Variants in CEP135 observed in about 807,000 individuals in gnomAD.
The protein encoded by CEP135 is centrosomal protein of 135 kDa.
In CEP135, 142 loss-of-function variants were observed where a neutral mutation model predicts 157.3. That is an observed-to-expected ratio of 0.90 (90% CI 0.79 to 1.04). The LOEUF (loss-of-function observed/expected upper bound fraction) is 1.04, where lower values mean the gene tolerates loss of function less well. Ranked by LOEUF, CEP135 falls within the 50% of genes least tolerant of loss-of-function variation. The pLI is 0.00. For missense variants in CEP135, 1,317 were observed against 1,309.2 expected, an observed-to-expected ratio of 1.01 and a Z score of -0.09; for synonymous variants, 396 against 439.8, an observed-to-expected ratio of 0.90 and a Z score of 1.25.
At chr4:56,011,723 T>A in intron 20 of CEP135, 77 bp from the exon 21 acceptor site, 1 of 1,175,148 alleles carries the variant, frequency 8.5e-7, no homozygotes, top group South Asian at 1.5e-5. Flanking sequence ...GCTGTGTATG[T>A]GTATGTGTTT....
Position 55,952,387 on chromosome 4 carries a change from T to C in CEP135, c.113+144T>C, listed in dbSNP as rs139984762. 611 of 592,802 alleles carry C rather than the reference T, an allele frequency of 1.0e-3. 3 individuals are homozygous for C. The highest frequency in any genetic ancestry group is 9.9e-3 in the African/African-American group (532 of 53,830). The allele number at this position is 592,802 out of a possible 1,614,324, so 36.7% of individuals were successfully genotyped here. ...AAGCTTATCTGTTTTTTCCCTGTCC[T>C]CAATCCAGGCCTTCCACACGGCAGA... On this transcript the variant is annotated intron_variant, in intron 2 of 25. Transcript: ENST00000257287.
intron 25 of CEP135, among the ~76,000 whole-genome samples, chr4:56,028,060 GAAT>G (rs1731213385): frequency 6.6e-6 from 1 of 152,090 alleles, no homozygotes; most frequent in African/African-American, 2.4e-5. Flanking sequence ...ATTTCACTTA[GAAT>G]AATATTTTCC....
At chr4:55,992,810 G>A (rs536073266) in intron 15 of CEP135, among the ~76,000 whole-genome samples, 2 of 152,292 alleles carry the variant, frequency 1.3e-5, no homozygotes, top group African/African-American at 4.8e-5. Flanking sequence ...TTGGGTTGTT[G>A]GTTAGTCATT....
chr4:55,981,982 A>G (rs1036417627), intron 13 of CEP135, among the ~76,000 whole-genome samples: 2 of 152,220 alleles, frequency 1.3e-5, no homozygotes, highest in African/African-American at 2.4e-5. Flanking sequence ...TGATAAACCC[A>G]TAACAAAGTC....
At chr4:55,981,776 C>T (rs1363677256) in intron 13 of CEP135, among the ~76,000 whole-genome samples, 3 of 152,052 alleles carry the variant, frequency 2.0e-5, no homozygotes, top group Non-Finnish European at 4.4e-5. Context: ...TAAAGTATAC[C>T]ATTTCATTGG....
In CEP135 at chr4:55,999,487, G is replaced by T. The variant is rs754361687; in HGVS notation, c.2126-4G>T. The T allele has an allele frequency of 6.2e-7, 1 of 1,612,190 alleles. No homozygotes were observed. Among genetic ancestry groups the T allele is most frequent in the Non-Finnish European group, 8.5e-7 (1 of 1,179,504 alleles). Reference sequence around the variant, plus strand: ...GTCTAACAAACATTTCTTTTCATTTGTAGATGAACTAAACCTTAAGATGAC... The same window carrying T: ...GTCTAACAAACATTTCTTTTCATTTTTAGATGAACTAAACCTTAAGATGAC... On this transcript the variant is annotated splice_polypyrimidine_tract_variant and splice_region_variant and intron_variant, in intron 16 of 25. Coordinates refer to ENST00000257287, the MANE Select transcript of CEP135 (RefSeq NM_025009.5).
In CEP135 at chr4:55,954,321, C is replaced by G; in HGVS notation, c.410C>G (p.Ala137Gly). 6.2e-7 allele frequency: 1 copy of G among 1,610,448 alleles called. No individual in the cohort carries two copies. The highest frequency in any genetic ancestry group is 8.5e-7 in the Non-Finnish European group (1 of 1,178,782). Residue 137 changes from alanine to glycine, a missense_variant, in exon 4 of 26, where the codon GCT becomes GGT. Coordinates refer to ENST00000257287, the MANE Select transcript of CEP135 (RefSeq NM_025009.5). ...KLKLLEKESK[A>G]KNERIQQLQE... Reference sequence around the variant, plus strand: ...AAACTGTTGGAGAAAGAGAGCAAAGCTAAGAATGAAAGAATTCAACAACTT... The same window carrying G: ...AAACTGTTGGAGAAAGAGAGCAAAGGTAAGAATGAAAGAATTCAACAACTT...
At chr4:55,952,342 C>T (rs1314215065) in intron 2 of CEP135, 99 bp downstream of exon 2, 8 of 712,068 alleles carry the variant, frequency 1.1e-5, no homozygotes, top group South Asian at 3.5e-5. Context: ...GGTAGCTTTC[C>T]GGAAAGGCTT....
At chr4:55,975,753 C>T (rs529811742) in intron 11 of CEP135, among the ~76,000 whole-genome samples, 5 of 152,082 alleles carry the variant, frequency 3.3e-5, no homozygotes, top group Non-Finnish European at 7.3e-5. Context: ...TAGGGGAAAT[C>T]TGGGAGTGTA....
chr4:55,981,265 C>G lies in CEP135; in HGVS notation c.1665C>G (p.Thr555=). 1 of 1,594,740 alleles carries G rather than the reference C, an allele frequency of 6.3e-7. No individual in the cohort carries two copies. Among genetic ancestry groups the G allele is most frequent in the Non-Finnish European group, 8.5e-7 (1 of 1,174,160 alleles). ...EELSALRKES[T]QTTAPHNIVS... is the part of the protein sequence containing the mutation. Reference sequence around the variant, plus strand: ...TATCTGCCCTAAGAAAGGAATCCACCCAAACCACAGCACCCCATAATATTG... The same window carrying G: ...TATCTGCCCTAAGAAAGGAATCCACGCAAACCACAGCACCCCATAATATTG... The change falls in exon 13 of 26, where the codon ACC becomes ACG. Residue 555 remains threonine (T), a synonymous_variant. Coordinates refer to ENST00000257287, the MANE Select transcript of CEP135 (RefSeq NM_025009.5).
At chr4:56,028,754 T>C (rs1234103472) in intron 25 of CEP135, among the ~76,000 whole-genome samples, 1 of 152,222 alleles carries the variant, frequency 6.6e-6, no homozygotes, top group African/African-American at 2.4e-5. Flanking sequence ...GAAAAGCCTA[T>C]AAAAGTGTTT....
intron 17 of CEP135, among the ~76,000 whole-genome samples, chr4:56,005,086 C>G (rs529182583): frequency 7.9e-5 from 12 of 152,146 alleles, no homozygotes; most frequent in Non-Finnish European, 1.6e-4. Flanking sequence ...ATGAAGCTTA[C>G]AAAACGTATC....
At chr4:55,959,343 C>G (rs76032744) in intron 5 of CEP135, among the ~76,000 whole-genome samples, 1 of 152,130 alleles carries the variant, frequency 6.6e-6, no homozygotes, top group Admixed American at 6.5e-5. Flanking sequence ...CTTACTAAGT[C>G]TGTGAATTGT....
chr4:56,019,602 A>G (rs759455703), intron 23 of CEP135, 47 bp downstream of exon 23: 31 of 1,496,036 alleles, frequency 2.1e-5, no homozygotes, highest in Non-Finnish European at 2.6e-5. Context: ...CTTGTGAAGG[A>G]TAGTTTTTTA....
chr4:56,000,633 T>G (rs1730134775), intron 17 of CEP135, among the ~76,000 whole-genome samples: 1 of 152,204 alleles, frequency 6.6e-6, no homozygotes, highest in Admixed American at 6.5e-5. Flanking sequence ...CATCATGACC[T>G]CCAGGTCCAT....
intron 9 of CEP135, among the ~76,000 whole-genome samples, chr4:55,969,439 A>G (rs1019324147): frequency 2.6e-5 from 4 of 151,766 alleles, no homozygotes; most frequent in Admixed American, 1.3e-4. Flanking sequence ...AAAAAAAAAA[A>G]AAAAAAAAAG....
Position 55,956,222 on chromosome 4 carries a change from A to C in CEP135, c.473-1001A>C, listed in dbSNP as rs144437844. On this transcript the variant is annotated intron_variant, in intron 4 of 25. Coordinates refer to ENST00000257287, the MANE Select transcript of CEP135 (RefSeq NM_025009.5). ...ACTCCTACCTCTGTAGGAGTATACA[A>C]AATTTGTTAGAATTCTAATGAGACA... Among the ~76,000 whole-genome samples, 402 of 152,274 alleles carry C rather than the reference A, an allele frequency of 2.6e-3. 3 individuals are homozygous for C. Among genetic ancestry groups the C allele is most frequent in the African/African-American group, 9.3e-3 (388 of 41,570 alleles).
At chr4:55,954,072 G>A in intron 3 of CEP135, 144 bp from the exon 4 acceptor site, 1 of 627,108 alleles carries the variant, frequency 1.6e-6, no homozygotes, top group Non-Finnish European at 2.6e-6. Flanking sequence ...AATAGTAGAA[G>A]AAGGAATAAG....
Position 55,980,173 on chromosome 4 carries a change from A to G in CEP135, c.1504A>G (p.Thr502Ala), listed in dbSNP as rs1729352466. 6.2e-7 allele frequency: 1 copy of G among 1,610,860 alleles called. No individual in the cohort carries two copies. Residue 502 changes from threonine (T) to alanine (A), a missense_variant, in exon 12 of 26, where the codon ACA becomes GCA. By Grantham distance (58) the Thr-to-Ala change is moderately conservative. Coordinates refer to ENST00000257287, the MANE Select transcript of CEP135 (RefSeq NM_025009.5). ...GDYNSEIHQI[T>A]RERDELQRML... is the part of the protein sequence containing the mutation. ...TTACAATTCAGAAATTCATCAGATCACAAGAGAAAGAGATGAACTTCAGCG... is the reference window on the plus strand; with the variant it reads ...TTACAATTCAGAAATTCATCAGATCGCAAGAGAAAGAGATGAACTTCAGCG...
Sources: allele counts gnomAD v4.1 joint callset (sites outside exome capture counted in the v4.1 genomes callset), GRCh38; gene constraint gnomAD v4.1.1; transcripts MANE v1.5; gene names NCBI Gene and HGNC (gene_info 2026-07-23, HGNC 2026-07-21).